The following RHD variants were observed in gnomAD, a reference collection of about 807,000 sequenced individuals.
RHD encodes Rh blood group D antigen, also known as blood group Rh(D) polypeptide.
In RHD, 16 loss-of-function variants were observed where a neutral mutation model predicts 45.5. The observed-to-expected ratio is 0.35, with a 90% CI of 0.24 to 0.53. RHD has a LOEUF of 0.53. Ranked by LOEUF, RHD falls within the 20% of genes least tolerant of loss-of-function variation. RHD has a pLI of 0.92. For missense variants in RHD, 306 were observed against 532.0 expected, an observed-to-expected ratio of 0.58 and a Z score of 4.18; for synonymous variants, 131 against 217.5, an observed-to-expected ratio of 0.60 and a Z score of 3.50.
rs1355008502 is a variant in RHD at position 25,279,599 on chromosome 1, C to G, written c.149-4974C>G. Reference sequence around the variant, plus strand: ...CATCTCTAAAATGGGGATAATAAATCGTACCTCCTACCTGAGGCTGTTGTG... The same window carrying G: ...CATCTCTAAAATGGGGATAATAAATGGTACCTCCTACCTGAGGCTGTTGTG... On this transcript the variant is annotated intron_variant, in intron 1 of 9. Coordinates refer to ENST00000328664, the MANE Select transcript of RHD (RefSeq NM_016124.6). Among the ~76,000 whole-genome samples the G allele has an allele frequency of 1.6e-5, 2 of 127,946 alleles. 1 individual carries two copies. Among genetic ancestry groups the G allele is most frequent in the Admixed American group, 1.5e-4 (2 of 13,174 alleles). The allele number at this position is 127,946 out of a possible 152,430, so 83.9% of individuals were successfully genotyped here.
Position 25,328,960 on chromosome 1 carries a change from A to C in RHD, c.*36A>C, listed in dbSNP as rs201900068. On this transcript the variant is annotated 3_prime_UTR_variant, in exon 10 of 10. Coordinates refer to ENST00000328664, the MANE Select transcript of RHD (RefSeq NM_016124.6). ...CCAAGAAAAACAAGGCCTGTTCAAA[A>C]ACAAGACAACTTCCTCTCACTGTTG... is the stretch of plus-strand genomic sequence containing the variant. The C allele has an allele frequency of 4.5e-6, 6 of 1,336,868 alleles. No individual in the cohort carries two copies. In the East Asian group the frequency reaches 1.4e-4, roughly 30 times the overall value. 82.8% of individuals were successfully genotyped at this position (1,336,868 alleles called of 1,614,324 possible). A position where few individuals can be genotyped will look rare whatever the true frequency, so the allele number is the denominator to read the frequency against.
At chr1:25,284,948 A>G (rs1276038349) in intron 2 of RHD, among the ~76,000 whole-genome samples, 189 bp downstream of exon 2, 1 of 135,154 alleles carries the variant, frequency 7.4e-6, no homozygotes, top group African/African-American at 2.6e-5. Context: ...CCTGTATTTT[A>G]CTGGACAGCC....
chr1:25,300,301 C>A (rs1643284737), intron 3 of RHD, among the ~76,000 whole-genome samples: 1 of 129,670 alleles, frequency 7.7e-6, no homozygotes, highest in Non-Finnish European at 1.8e-5. Flanking sequence ...CTCTTGAGCC[C>A]AGGAGTTCAA....
chr1:25,275,434 T>C (rs114071009), intron 1 of RHD, among the ~76,000 whole-genome samples: 1,436 of 132,132 alleles, frequency 0.011, 215 homozygotes, highest in African/African-American at 0.035. Context: ...GAGGAAGCCA[T>C]GCCAGGGCTG....
At chr1:25,284,105 C>G (rs1191430230) in intron 1 of RHD, among the ~76,000 whole-genome samples, 3 of 135,710 alleles carry the variant, frequency 2.2e-5, no homozygotes. Context: ...CTATCTCTGC[C>G]CTCTCTTTTC....
chr1:25,314,666 G>T (rs112878563), intron 7 of RHD, among the ~76,000 whole-genome samples: 1 of 130,766 alleles, frequency 7.6e-6, no homozygotes, highest in Non-Finnish European at 1.8e-5. Flanking sequence ...GCTAACTTCT[G>T]TATAGACAAA....
In RHD at chr1:25,290,719, G is replaced by A; in HGVS notation, c.414G>A (p.Gln138=). 1 of 1,378,284 alleles carries A rather than the reference G, an allele frequency of 7.3e-7. No homozygotes were observed. Among genetic ancestry groups the A allele is most frequent in the South Asian group, 1.2e-5 (1 of 84,686 alleles). 85.4% of individuals were successfully genotyped at this position (1,378,284 alleles called of 1,614,324 possible). The change falls in exon 3 of 10, where the codon CAG becomes CAA. Residue 138 remains glutamine (Q), a synonymous_variant. Transcript: ENST00000328664. The stretch of plus-strand genomic sequence containing the variant: ...TCTTGGGGAAGGTCAACTTGGCGCA[G>A]TTGGTGGTGATGGTGCTGGTGGAGG... ...DAVLGKVNLA[Q]LVVMVLVEVT...
In RHD at chr1:25,321,648, C is replaced by T. The variant is rs1266220970; in HGVS notation, c.1154-241C>T. On this transcript the variant is annotated intron_variant, in intron 8 of 9. Transcript: ENST00000328664. The stretch of plus-strand genomic sequence containing the variant: ...TCACGCCATTGTACTCCAGCCTGGG[C>T]GATAGAGTGAGACTCTGTCTCAAAA... Among the ~76,000 whole-genome samples the T allele has an allele frequency of 2.4e-4, 22 of 93,402 alleles. 3 individuals are homozygous for T. The highest frequency in any genetic ancestry group is 3.9e-4 in the African/African-American group (13 of 33,752). 61.3% of individuals were successfully genotyped at this position (93,402 alleles called of 152,430 possible).
chr1:25,319,731 CCTGT>C lies in RHD; in HGVS notation c.1154-2153_1154-2150del, dbSNP rs1242273352. ...ATTTGTTAATTGAGCCCTCTATGGGCCTGTCTGTATTTATTTAAGAAACAATCCT... is the reference window on the plus strand; with the variant it reads ...ATTTGTTAATTGAGCCCTCTATGGGCCTGTATTTATTTAAGAAACAATCCT... On this transcript the variant is annotated intron_variant, in intron 8 of 9. Coordinates refer to ENST00000328664, the MANE Select transcript of RHD (RefSeq NM_016124.6). Among the ~76,000 whole-genome samples, 26 of 132,014 alleles carry C rather than the reference CCTGT, an allele frequency of 2.0e-4. 4 individuals carry two copies. Among genetic ancestry groups the C allele is most frequent in the African/African-American group, 6.7e-4 (26 of 38,764 alleles). 86.6% of individuals were successfully genotyped at this position (132,014 alleles called of 152,430 possible). A position where few individuals can be genotyped will look rare whatever the true frequency, so the allele number is the denominator to read the frequency against.
In RHD at chr1:25,299,889, A is replaced by G. The variant is rs1206225594; in HGVS notation, c.487-1057A>G. Among the ~76,000 whole-genome samples, 8 of 131,348 alleles carry G rather than the reference A, an allele frequency of 6.1e-5. 1 individual carries two copies. The highest frequency in any genetic ancestry group is 2.1e-4 in the African/African-American group (8 of 38,062). 86.2% of individuals were successfully genotyped at this position (131,348 alleles called of 152,430 possible). A position where few individuals can be genotyped will look rare whatever the true frequency, so the allele number is the denominator to read the frequency against. ...ATCAGCCTCCCAGGTAGATAGGATT[A>G]CAAGCAAGCATCACCACGCCTGGCT... On this transcript the variant is annotated intron_variant, in intron 3 of 9. Transcript: ENST00000328664.
intron 1 of RHD, among the ~76,000 whole-genome samples, chr1:25,276,517 A>ACC (rs59535574): frequency 1.1e-4 from 10 of 91,704 alleles, no homozygotes; most frequent in African/African-American, 4.3e-4. Flanking sequence ...ACATAGGGAG[A>ACC]CCCCCCCCCA....
In RHD at chr1:25,284,602, A is replaced by C. The variant is rs1053341; in HGVS notation, c.178A>C (p.Ile60Leu). 501 of 1,388,896 alleles carry C rather than the reference A, an allele frequency of 3.6e-4. 163 individuals carry two copies. The highest frequency in any genetic ancestry group is 9.0e-4 in the Middle Eastern group (5 of 5,542). 86.0% of individuals were successfully genotyped at this position (1,388,896 alleles called of 1,614,324 possible). A position where few individuals can be genotyped will look rare whatever the true frequency, so the allele number is the denominator to read the frequency against. The change falls in exon 2 of 10, where the codon ATT (isoleucine) becomes CTT (leucine). Residue 60 changes from isoleucine to leucine, a missense_variant. Physicochemically the swap from Ile to Leu is conservative, Grantham distance 5. Transcript: ENST00000328664. ...VGQDLTVMAA[I>L]GLGFLTSSFR... ...CCAAGATCTGACCGTGATGGCGGCCATTGGCTTGGGCTTCCTCACCTCGAG... is the reference window on the plus strand; with the variant it reads ...CCAAGATCTGACCGTGATGGCGGCCCTTGGCTTGGGCTTCCTCACCTCGAG...
rs1641086881 is a variant in RHD at position 25,277,159 on chromosome 1, A to G, written c.148+4464A>G. On this transcript the variant is annotated intron_variant, in intron 1 of 9. Transcript: ENST00000328664. ...GAGAAATGCATATCAAATCCTTCTC[A>G]TTGGACCAATATTCCCTTAGGGCAC... Among the ~76,000 whole-genome samples, 2 of 133,328 alleles carry G rather than the reference A, an allele frequency of 1.5e-5. 1 individual carries two copies. Among genetic ancestry groups the G allele is most frequent in the Non-Finnish European group, 3.6e-5 (2 of 56,110 alleles). The allele number at this position is 133,328 out of a possible 152,430, so 87.5% of individuals were successfully genotyped here. A position where few individuals can be genotyped will look rare whatever the true frequency, so the allele number is the denominator to read the frequency against.
In RHD at chr1:25,282,919, G is replaced by T. The variant is rs1417692281; in HGVS notation, c.149-1654G>T. 1.5e-5 allele frequency among the ~76,000 whole-genome samples: 2 copies of T among 131,048 alleles called. 1 individual carries two copies. The highest frequency in any genetic ancestry group is 3.6e-5 in the Non-Finnish European group (2 of 55,330). The allele number at this position is 131,048 out of a possible 152,430, so 86.0% of individuals were successfully genotyped here. A position where few individuals can be genotyped will look rare whatever the true frequency, so the allele number is the denominator to read the frequency against. ...AAAAAAAAAAATTGTCTACATGCTG[G>T]TTGCAGAAAATTTAAACACTAAAAC... On this transcript the variant is annotated intron_variant, in intron 1 of 9. Transcript: ENST00000328664.
Position 25,276,882 on chromosome 1 carries a change from C to T in RHD, c.148+4187C>T, listed in dbSNP as rs190742292. ...GAGATGGAGACCATCCTGGCTAACA[C>T]GATGAAACCCCATCTCTACCAAAAA... On this transcript the variant is annotated intron_variant, in intron 1 of 9. Transcript: ENST00000328664. 3.0e-3 allele frequency among the ~76,000 whole-genome samples: 399 copies of T among 131,254 alleles called. 53 individuals are homozygous for T. The highest frequency in any genetic ancestry group is 9.0e-3 in the African/African-American group (348 of 38,518). The allele number at this position is 131,254 out of a possible 152,430, so 86.1% of individuals were successfully genotyped here. A position where few individuals can be genotyped will look rare whatever the true frequency, so the allele number is the denominator to read the frequency against.
chr1:25,286,480 C>A (rs1642001713), intron 2 of RHD, among the ~76,000 whole-genome samples: 2 of 134,912 alleles, frequency 1.5e-5, no homozygotes, highest in Admixed American at 1.4e-4. Flanking sequence ...CAGAGTGAGA[C>A]CCTGTCTCAA....
At chr1:25,274,812 G>C (rs78744232) in intron 1 of RHD, among the ~76,000 whole-genome samples, 1 of 133,604 alleles carries the variant, frequency 7.5e-6, no homozygotes, top group Admixed American at 7.2e-5. Context: ...TTCGAGACCA[G>C]CCTGGCCAAC....
intron 5 of RHD, among the ~76,000 whole-genome samples, chr1:25,302,617 AG>A (rs1269172790): frequency 1.5e-5 from 2 of 129,994 alleles, no homozygotes; most frequent in African/African-American, 5.3e-5. Flanking sequence ...GGAGCAGTGA[AG>A]GACATAGCAG....
chr1:25,284,430 A>G lies in RHD; in HGVS notation c.149-143A>G, dbSNP rs1641775752. The G allele has an allele frequency of 7.1e-6, 6 of 841,908 alleles. 1 individual carries two copies. The highest frequency in any genetic ancestry group is 5.9e-5 in the South Asian group (4 of 67,980). The allele number at this position is 841,908 out of a possible 1,614,324, so 52.2% of individuals were successfully genotyped here. Reference sequence around the variant, plus strand: ...ATTCAGTTGAGAACATTGAGGCTCAAAGAGGCAAAGTAACTTGACCAAATA... The same window carrying G: ...ATTCAGTTGAGAACATTGAGGCTCAGAGAGGCAAAGTAACTTGACCAAATA... On this transcript the variant is annotated intron_variant, in intron 1 of 9. Coordinates refer to ENST00000328664, the MANE Select transcript of RHD (RefSeq NM_016124.6).
Sources: gnomAD v4.1 joint callset for allele counts (sites outside exome capture counted in the v4.1 genomes callset) on GRCh38, gnomAD v4.1.1 for gene constraint, MANE v1.5 for transcripts, NCBI Gene and HGNC (gene_info 2026-07-23, HGNC 2026-07-21) for gene names.